ADAM22: variants seen among roughly 807,000 people sequenced by gnomAD.
ADAM22 encodes the protein ADAM metallopeptidase domain 22, also known as disintegrin and metalloproteinase domain-containing protein 22.
A neutral mutation model predicts 144.6 loss-of-function variants in ADAM22; 65 were observed. That is an observed-to-expected ratio of 0.45 (90% CI 0.37 to 0.55). ADAM22 has a LOEUF of 0.55. Among genes scored for constraint, ADAM22 ranks in the 20% least tolerant of loss-of-function variants. ADAM22 has a pLI of 0.00. For synonymous variants in ADAM22, 391 were observed against 412.6 expected (o/e 0.95, Z 0.63); for missense variants, 974 against 1,184.9 (o/e 0.82, Z 2.61).
At chr7:88,139,752 CA>C (rs35325497) in intron 14 of ADAM22, among the ~76,000 whole-genome samples, 21,343 of 152,004 alleles carry the variant, frequency 0.14, 2,167 homozygotes, top group African/African-American at 0.28. Context: ...GAGGCTGTGT[CA>C]GGTTTTATAA....
intron 7 of ADAM22, among the ~76,000 whole-genome samples, chr7:88,124,534 A>C (rs1200307141): frequency 2.6e-5 from 4 of 151,890 alleles, no homozygotes; most frequent in Middle Eastern, 3.2e-3. Flanking sequence ...ATTAAAAAAA[A>C]AAAATCCAGT....
At position 88,131,299 on chromosome 7, in the gene ADAM22, G is replaced by A. The variant is rs757656152; in HGVS notation, c.856G>A (p.Val286Ile). 1.2e-6 allele frequency: 2 copies of A among 1,613,614 alleles called. No homozygotes were observed. Among genetic ancestry groups the A allele is most frequent in the Middle Eastern group, 1.7e-4 (1 of 6,056 alleles). Residue 286 changes from valine (V) to isoleucine (I), a missense_variant, in exon 11 of 32, where the codon GTA (valine) becomes ATA (isoleucine). By Grantham distance (29) the Val-to-Ile change is conservative. This residue lies in a region of ADAM22 where 734 missense variants were observed against 950.6 expected (regional missense o/e 0.77). Coordinates refer to ENST00000413139, the MANE Select transcript of ADAM22 (RefSeq NM_001324418.2). ...TAAAGACCAACTTAAGACCAGGATA[G>A]TATTGGTTGCTATGGAAACCTGGGC... ...IYKDQLKTRI[V>I]LVAMETWATD...
intron 29 of ADAM22, among the ~76,000 whole-genome samples, chr7:88,184,933 A>C (rs1303289577): frequency 6.6e-6 from 1 of 152,196 alleles, no homozygotes; most frequent in East Asian, 1.9e-4. Context: ...ATTGTCAGTG[A>C]AAGGAACAAA....
intron 3 of ADAM22, among the ~76,000 whole-genome samples, chr7:87,982,670 C>CATATATAT (rs3086405): frequency 0.14 from 5,456 of 37,960 alleles, 733 homozygotes; most frequent in Middle Eastern, 0.26. Context: ...TCAGTTATTA[C>CATATATAT]ATATATATAT....
At chr7:88,023,310 A>G (rs1798234669) in intron 3 of ADAM22, among the ~76,000 whole-genome samples, 1 of 152,228 alleles carries the variant, frequency 6.6e-6, no homozygotes. Context: ...CAAGGATTAT[A>G]TGAAATACTT....
At chr7:88,055,037 T>A (rs1232612591) in intron 3 of ADAM22, among the ~76,000 whole-genome samples, 1 of 152,144 alleles carries the variant, frequency 6.6e-6, no homozygotes, top group Non-Finnish European at 1.5e-5. Context: ...ACCCCAGTAT[T>A]ACGGTCCTTA....
chr7:87,970,673 A>G (rs1031351201), intron 2 of ADAM22, among the ~76,000 whole-genome samples: 4 of 152,162 alleles, frequency 2.6e-5, no homozygotes, highest in African/African-American at 9.7e-5. Flanking sequence ...CATTGACTCT[A>G]GAAGATATGA....
chr7:88,026,125 C>T (rs1023502283), intron 3 of ADAM22, among the ~76,000 whole-genome samples: 2 of 152,118 alleles, frequency 1.3e-5, no homozygotes, highest in Admixed American at 1.3e-4. Flanking sequence ...TTTCTTGATT[C>T]CTTTTTCAGT....
chr7:87,936,607 C>G (rs1166682042), intron 2 of ADAM22, among the ~76,000 whole-genome samples: 1 of 152,050 alleles, frequency 6.6e-6, no homozygotes, highest in African/African-American at 2.4e-5. Flanking sequence ...ATTTCTTTTT[C>G]TATTTCCTTT....
At chr7:88,115,367 A>G (rs79851764) in intron 6 of ADAM22, among the ~76,000 whole-genome samples, 8,169 of 152,270 alleles carry the variant, frequency 0.054, 341 homozygotes, top group African/African-American at 0.12. Flanking sequence ...CTTGGCTACC[A>G]TAACAAAATA....
At chr7:88,101,287 G>A (rs1235834547) in intron 4 of ADAM22, among the ~76,000 whole-genome samples, 1 of 152,082 alleles carries the variant, frequency 6.6e-6, no homozygotes, top group African/African-American at 2.4e-5. Flanking sequence ...ACTGGCATGA[G>A]CTTCCCAAAC....
At chr7:88,068,989 C>A (rs946680472) in intron 3 of ADAM22, among the ~76,000 whole-genome samples, 1 of 152,038 alleles carries the variant, frequency 6.6e-6, no homozygotes, top group African/African-American at 2.4e-5. Context: ...AGAGGTGGGA[C>A]CTTTTAAGGG....
rs759941761 is a variant in ADAM22, at chr7:88,201,333, G to A, written c.*4842G>A. ...TATGCAACTTAGGAAGTCACTGGGA[G>A]ATGAGTCCTAAAAGCCTGAATTTCA... On this transcript the variant is annotated 3_prime_UTR_variant, in exon 32 of 32. Transcript: ENST00000413139. 1.4e-4 allele frequency: 22 copies of A among 152,274 alleles called. No individual in the cohort carries two copies. The highest frequency in any genetic ancestry group is 2.5e-4 in the Non-Finnish European group (17 of 68,084). The allele number at this position is 152,274 out of a possible 1,614,324, so 9.4% of individuals were successfully genotyped here. A position where few individuals can be genotyped will look rare whatever the true frequency, so the allele number is the denominator to read the frequency against.
chr7:88,192,163 T>C (rs1490287156), intron 30 of ADAM22, among the ~76,000 whole-genome samples: 1 of 152,236 alleles, frequency 6.6e-6, no homozygotes, highest in Non-Finnish European at 1.5e-5. Context: ...ATAAACACTT[T>C]TGCTATAAGG....
intron 3 of ADAM22, among the ~76,000 whole-genome samples, chr7:88,062,419 C>G (rs890987284): frequency 1.3e-5 from 2 of 152,206 alleles, no homozygotes; most frequent in Non-Finnish European, 2.9e-5. Flanking sequence ...ATTTCTTCTG[C>G]AACTTCCTCA....
At chr7:88,003,286 T>C (rs1793010019) in intron 3 of ADAM22, among the ~76,000 whole-genome samples, 1 of 152,226 alleles carries the variant, frequency 6.6e-6, no homozygotes, top group East Asian at 1.9e-4. Context: ...ATTCATTATC[T>C]CATTTAAACC....
At chr7:88,098,650 T>A (rs1240011150) in intron 4 of ADAM22, among the ~76,000 whole-genome samples, 2 of 152,158 alleles carry the variant, frequency 1.3e-5, no homozygotes, top group African/African-American at 4.8e-5. Context: ...CATCTTTTAA[T>A]AAGATTAACT....
intron 3 of ADAM22, among the ~76,000 whole-genome samples, chr7:88,074,497 C>G (rs1291256103): frequency 6.6e-6 from 1 of 152,100 alleles, no homozygotes; most frequent in East Asian, 1.9e-4. Flanking sequence ...TTATATTATG[C>G]TAGACCTGGA....
intron 13 of ADAM22, among the ~76,000 whole-genome samples, chr7:88,135,750 A>G (rs1409220699): frequency 6.6e-6 from 1 of 152,214 alleles, no homozygotes; most frequent in Non-Finnish European, 1.5e-5. Context: ...GCCATTTGTT[A>G]AAATACAAGG....
Sources: gnomAD v4.1 joint callset for allele counts (sites outside exome capture counted in the v4.1 genomes callset) on GRCh38, gnomAD v4.1.1 for gene constraint, gnomAD v4.1.1 regional missense constraint, MANE v1.5 for transcripts, NCBI Gene and HGNC (gene_info 2026-07-23, HGNC 2026-07-21) for gene names.